ACAA2: variants seen among roughly 807,000 people sequenced by gnomAD.
ACAA2 encodes acetyl-CoA acyltransferase 2, also known as 3-ketoacyl-CoA thiolase, mitochondrial.
Under a neutral mutation model 44.8 loss-of-function variants are expected in ACAA2, and 35 were observed. The observed-to-expected ratio is 0.78, with a 90% CI of 0.60 to 1.04. The LOEUF (loss-of-function observed/expected upper bound fraction) is 1.04. Ranked by LOEUF, ACAA2 falls within the 50% of genes least tolerant of loss-of-function variation. The pLI, the probability that ACAA2 is intolerant of heterozygous loss-of-function variation, is 0.00. For missense variants in ACAA2, 468 were observed against 482.6 expected (o/e 0.97, Z 0.28); for synonymous variants, 142 against 166.5 (o/e 0.85, Z 1.13).
At chr18:49,802,402 A>T (rs1418081614) in intron 2 of ACAA2, among the ~76,000 whole-genome samples, 1 of 151,938 alleles carries the variant, frequency 6.6e-6, no homozygotes, top group African/African-American at 2.4e-5. Context: ...TCTCTATTAA[A>T]AACACAAAAA....
chr18:49,795,627 A>C (rs1253620007), intron 4 of ACAA2, 138 bp downstream of exon 4: 1 of 517,612 alleles, frequency 1.9e-6, no homozygotes, highest in Non-Finnish European at 3.5e-6. Context: ...ACAAACTTCT[A>C]ATCATTCATA....
Position 49,794,409 on chromosome 18 carries a change from C to G in ACAA2, c.448G>C (p.Val150Leu). 2 of 1,587,902 alleles carry G rather than the reference C, an allele frequency of 1.3e-6. No homozygotes were observed. Among genetic ancestry groups the G allele is most frequent in the South Asian group, 2.3e-5 (2 of 85,142 alleles). Residue 150 changes from valine to leucine, a missense_variant, in exon 5 of 10, where the codon GTA becomes CTA. Transcript: ENST00000285093. The stretch of plus-strand genomic sequence containing the variant: ...TGGACATGCTGATCTGTTAATGATA[C>G]CCATAAAGAATCTTCCAGCTATTAA... Reference protein sequence around the residue: ...SDIKLEDSLWVSLTDQHVQLP... With the variant: ...SDIKLEDSLWLSLTDQHVQLP...
chr18:49,785,227 C>A lies in ACAA2; in HGVS notation c.1079G>T (p.Arg360Ile). The A allele has an allele frequency of 6.2e-7, 1 of 1,613,718 alleles. No individual in the cohort carries two copies. The highest frequency in any genetic ancestry group is 8.5e-7 in the Non-Finnish European group (1 of 1,179,952). The change falls in exon 9 of 10, where the codon AGA (arginine) becomes ATA (isoleucine). Residue 360 changes from arginine to isoleucine, a missense_variant. Coordinates refer to ENST00000285093, the MANE Select transcript of ACAA2 (RefSeq NM_006111.3). ...LGHPLGGSGS[R>I]ITAHLVHELR... is the part of the protein sequence containing the mutation. ...TTCGTGAACCAGGTGTGCAGTAATT[C>A]TTGATCCAGATCCTCCCAGTGGGTG... is the stretch of plus-strand genomic sequence containing the variant.
chr18:49,782,645 G>C lies in ACAA2; in HGVS notation c.*1202C>G, dbSNP rs961088585. ...GGGTGGATCACGAGGTCAGGAGATC[G>C]AGACCATCCTGGCTAACACGGTGAA... On this transcript the variant is annotated 3_prime_UTR_variant, in exon 10 of 10. Coordinates refer to ENST00000285093, the MANE Select transcript of ACAA2 (RefSeq NM_006111.3). The C allele has an allele frequency of 1.3e-5, 2 of 151,240 alleles. No homozygotes were observed. Among genetic ancestry groups the C allele is most frequent in the African/African-American group, 2.4e-5 (1 of 41,138 alleles). 9.4% of individuals were successfully genotyped at this position (151,240 alleles called of 1,614,324 possible).
At chr18:49,797,702 T>C (rs1306260714) in intron 2 of ACAA2, 108 bp from the exon 3 acceptor site, 1 of 909,830 alleles carries the variant, frequency 1.1e-6, no homozygotes, top group Non-Finnish European at 1.6e-6. Context: ...TGATAAACTA[T>C]ATGGCTCTAA....
intron 1 of ACAA2, among the ~76,000 whole-genome samples, chr18:49,803,115 G>A (rs913959791): frequency 2.0e-5 from 3 of 151,914 alleles, no homozygotes; most frequent in Non-Finnish European, 4.4e-5. Flanking sequence ...CTTCTCCTGC[G>A]CACCCCGCCC....
intron 1 of ACAA2, among the ~76,000 whole-genome samples, chr18:49,803,239 A>AT (rs1555790918): frequency 1.1e-4 from 16 of 142,402 alleles, no homozygotes; most frequent in Admixed American, 9.2e-4. Context: ...CTGGTAGTTA[A>AT]AATAATAATA....
At chr18:49,813,354 G>A in intron 1 of ACAA2, 115 bp downstream of exon 1, 1 of 822,144 alleles carries the variant, frequency 1.2e-6, no homozygotes, top group South Asian at 6.1e-5. Flanking sequence ...AACCGAGGAG[G>A]TTGAGTGAAC....
rs200440253 is a variant in ACAA2, at chr18:49,786,460, T to G, written c.954+831A>C. On this transcript the variant is annotated intron_variant, in intron 8 of 9. Coordinates refer to ENST00000285093, the MANE Select transcript of ACAA2 (RefSeq NM_006111.3). ...ATAAATTAAACAGCCTCTTTGAGGC[T>G]CTGAACTGTGATCTGCTAAAAGTGG... 11 of 152,342 alleles carry G rather than the reference T, an allele frequency of 7.2e-5. No homozygotes were observed. The East Asian group carries it at 1.5e-3, about 21-fold the overall frequency. The allele number at this position is 152,342 out of a possible 1,614,324, so 9.4% of individuals were successfully genotyped here.
chr18:49,790,117 T>C (rs959190038), intron 7 of ACAA2, among the ~76,000 whole-genome samples: 2 of 152,226 alleles, frequency 1.3e-5, no homozygotes, highest in South Asian at 2.1e-4. Flanking sequence ...TACGGATGTT[T>C]AATTTTTCCA....
intron 5 of ACAA2, among the ~76,000 whole-genome samples, chr18:49,793,208 C>T (rs2023426149): frequency 6.6e-6 from 1 of 152,180 alleles, no homozygotes; most frequent in Non-Finnish European, 1.5e-5. Context: ...ATAAGTAAAA[C>T]ATCTTACCTA....
At chr18:49,794,572 G>T in intron 4 of ACAA2, 145 bp from the exon 5 acceptor site, 1 of 635,656 alleles carries the variant, frequency 1.6e-6, no homozygotes, top group Non-Finnish European at 2.4e-6. Flanking sequence ...TTCAGTTATG[G>T]GATATTTTTT....
intron 3 of ACAA2, among the ~76,000 whole-genome samples, chr18:49,796,548 A>G (rs980428819): frequency 6.6e-6 from 1 of 152,248 alleles, no homozygotes; most frequent in East Asian, 1.9e-4. Context: ...ACTTTTACAA[A>G]TGAAATTGGA....
chr18:49,799,950 C>CCGTCTA (rs2023520049), intron 2 of ACAA2, among the ~76,000 whole-genome samples: 1 of 149,228 alleles, frequency 6.7e-6, no homozygotes, highest in Non-Finnish European at 1.5e-5. Flanking sequence ...GGCAACCGCC[C>CCGTCTA]CGTCTAAGTG....
intron 1 of ACAA2, among the ~76,000 whole-genome samples, chr18:49,807,751 G>A (rs2023624664): frequency 6.6e-6 from 1 of 152,000 alleles, no homozygotes. Context: ...GGGACTGCTA[G>A]AGCCCAGGAG....
At chr18:49,793,735 C>G (rs376743881) in intron 5 of ACAA2, among the ~76,000 whole-genome samples, 1 of 152,146 alleles carries the variant, frequency 6.6e-6, no homozygotes, top group Admixed American at 6.5e-5. Flanking sequence ...TGTTTTGGAC[C>G]GGCTCTATAG....
At chr18:49,788,941 C>A (rs539970753) in intron 7 of ACAA2, among the ~76,000 whole-genome samples, 1 of 152,324 alleles carries the variant, frequency 6.6e-6, no homozygotes, top group Non-Finnish European at 1.5e-5. Flanking sequence ...CTCTGGGCAA[C>A]AAGCTACTCA....
intron 1 of ACAA2, among the ~76,000 whole-genome samples, chr18:49,811,737 A>C (rs948508794): frequency 6.6e-6 from 1 of 152,198 alleles, no homozygotes; most frequent in Non-Finnish European, 1.5e-5. Context: ...ACAGCCACTA[A>C]CTACCTGTGT....
At chr18:49,808,681 A>G (rs895193468) in intron 1 of ACAA2, among the ~76,000 whole-genome samples, 8 of 152,096 alleles carry the variant, frequency 5.3e-5, no homozygotes, top group African/African-American at 1.9e-4. Flanking sequence ...GGTCACAAAG[A>G]TCATATGCTT....
Sources: allele counts gnomAD v4.1 joint callset (sites outside exome capture counted in the v4.1 genomes callset), GRCh38; gene constraint gnomAD v4.1.1; transcripts MANE v1.5; gene names NCBI Gene and HGNC (gene_info 2026-07-23, HGNC 2026-07-21).